The following SH3GL2 variants were observed in gnomAD, a reference collection of about 807,000 sequenced individuals.
SH3GL2 encodes the protein endophilin-A1.
SH3GL2 carries 24 observed loss-of-function variants against 46.0 expected under a neutral mutation model. That is an observed-to-expected ratio of 0.52 (90% CI 0.38 to 0.73). The LOEUF (loss-of-function observed/expected upper bound fraction) is 0.73. Ranked by LOEUF, SH3GL2 falls within the 30% of genes least tolerant of loss-of-function variation. The probability of loss-of-function intolerance (pLI) is 0.00; values close to 1 mark genes in which losing one functional copy is unlikely to be tolerated. For synonymous variants in SH3GL2, 196 were observed against 147.1 expected (o/e 1.33, Z -2.40); for missense variants, 413 against 424.2 (o/e 0.97, Z 0.23).
At chr9:17,738,682 A>C (rs1223746235) in intron 1 of SH3GL2, among the ~76,000 whole-genome samples, 7 of 147,576 alleles carry the variant, frequency 4.7e-5, no homozygotes, top group Non-Finnish European at 1.0e-4. Flanking sequence ...AGATAATTTT[A>C]TTTCAAGGAA....
intron 1 of SH3GL2, among the ~76,000 whole-genome samples, chr9:17,663,017 T>C (rs1352757394): frequency 1.3e-5 from 2 of 152,208 alleles, no homozygotes; most frequent in African/African-American, 2.4e-5. Flanking sequence ...AAGTCCTTTT[T>C]AAATAAACCT....
chr9:17,660,314 C>G (rs931310460), intron 1 of SH3GL2, among the ~76,000 whole-genome samples: 1 of 152,156 alleles, frequency 6.6e-6, no homozygotes, highest in South Asian at 2.1e-4. Flanking sequence ...CTGCCTGACT[C>G]CTCAAGCTGT....
intron 1 of SH3GL2, among the ~76,000 whole-genome samples, chr9:17,670,474 AG>A (rs1323058253): frequency 1.3e-5 from 2 of 152,306 alleles, no homozygotes; most frequent in East Asian, 3.9e-4. Flanking sequence ...GGGGCTTTTC[AG>A]CATGTTTTAA....
At chr9:17,638,416 C>T (rs1037532070) in intron 1 of SH3GL2, among the ~76,000 whole-genome samples, 1 of 152,120 alleles carries the variant, frequency 6.6e-6, no homozygotes, top group African/African-American at 2.4e-5. Flanking sequence ...CTACCTGTAT[C>T]TTACTTACAG....
intron 1 of SH3GL2, among the ~76,000 whole-genome samples, chr9:17,595,217 A>T (rs946669069): frequency 2.0e-5 from 3 of 152,196 alleles, no homozygotes; most frequent in Non-Finnish European, 4.4e-5. Context: ...CATGAGTCCT[A>T]TTGTCACCTT....
At chr9:17,694,970 C>T (rs1821167883) in intron 1 of SH3GL2, among the ~76,000 whole-genome samples, 1 of 151,890 alleles carries the variant, frequency 6.6e-6, no homozygotes, top group Non-Finnish European at 1.5e-5. Context: ...TTGAAGAAAT[C>T]TAGTGAAAAT....
chr9:17,767,273 T>G (rs7027918), intron 3 of SH3GL2, among the ~76,000 whole-genome samples: 12,782 of 152,276 alleles, frequency 0.084, 1,313 homozygotes, highest in African/African-American at 0.24. Flanking sequence ...TTTAGAATTT[T>G]TTAATAATTT....
chr9:17,741,784 CA>C (rs1368187648), intron 1 of SH3GL2, among the ~76,000 whole-genome samples: 7 of 152,124 alleles, frequency 4.6e-5, no homozygotes, highest in Admixed American at 1.3e-4. Flanking sequence ...TTCATATGAG[CA>C]AATATGCTTA....
intron 1 of SH3GL2, among the ~76,000 whole-genome samples, chr9:17,610,753 A>G (rs944575854): frequency 1.3e-5 from 2 of 152,062 alleles, no homozygotes; most frequent in East Asian, 1.9e-4. Context: ...AAAAGCGAAT[A>G]TCTTCTCCTA....
intron 3 of SH3GL2, among the ~76,000 whole-genome samples, chr9:17,779,833 C>T (rs1471868007): frequency 6.6e-6 from 1 of 152,162 alleles, no homozygotes; most frequent in Non-Finnish European, 1.5e-5. Context: ...TATACAACCA[C>T]ATGGATATTG....
chr9:17,618,681 C>T (rs937859155), intron 1 of SH3GL2, among the ~76,000 whole-genome samples: 2 of 152,112 alleles, frequency 1.3e-5, no homozygotes, highest in African/African-American at 4.8e-5. Flanking sequence ...CTGTATCACT[C>T]TTCTAAAGTT....
intron 1 of SH3GL2, among the ~76,000 whole-genome samples, chr9:17,684,725 A>T (rs578043910): frequency 6.6e-6 from 1 of 152,250 alleles, no homozygotes; most frequent in South Asian, 2.1e-4. Flanking sequence ...AAGACACATT[A>T]TATACAGAAG....
At chr9:17,601,566 C>T (rs1255458587) in intron 1 of SH3GL2, among the ~76,000 whole-genome samples, 3 of 151,994 alleles carry the variant, frequency 2.0e-5, no homozygotes, top group Non-Finnish European at 4.4e-5. Context: ...TCTTTTTAGT[C>T]ATAAAAATCA....
chr9:17,682,292 A>C (rs116316126), intron 1 of SH3GL2, among the ~76,000 whole-genome samples: 2,237 of 152,258 alleles, frequency 0.015, 56 homozygotes, highest in African/African-American at 0.051. Flanking sequence ...TTCAATAGCA[A>C]AGTCATGGAA....
intron 1 of SH3GL2, among the ~76,000 whole-genome samples, chr9:17,738,626 T>TTTTTTATATA (rs58272546): frequency 4.0e-5 from 3 of 74,814 alleles, no homozygotes; most frequent in Admixed American, 3.2e-4. Context: ...TCATGTGATT[T>TTTTTTATATA]TATATATATA....
At chr9:17,708,842 A>G (rs1821543491) in intron 1 of SH3GL2, among the ~76,000 whole-genome samples, 4 of 151,996 alleles carry the variant, frequency 2.6e-5, no homozygotes, top group Admixed American at 2.6e-4. Flanking sequence ...AGTGCATTTG[A>G]GACTCTTTGT....
chr9:17,731,449 GAGAC>G (rs775028752), intron 1 of SH3GL2, among the ~76,000 whole-genome samples: 9 of 151,268 alleles, frequency 5.9e-5, no homozygotes, highest in East Asian at 2.0e-4. Context: ...GAGAGAGAGA[GAGAC>G]AGACAGAGAG....
intron 1 of SH3GL2, among the ~76,000 whole-genome samples, chr9:17,629,611 A>G (rs1167735007): frequency 6.6e-6 from 1 of 152,206 alleles, no homozygotes; most frequent in Admixed American, 6.5e-5. Context: ...GGGGAAAATG[A>G]GATTTAAAGA....
chr9:17,701,150 C>A (rs1001690452), intron 1 of SH3GL2, among the ~76,000 whole-genome samples: 1 of 152,144 alleles, frequency 6.6e-6, no homozygotes, highest in African/African-American at 2.4e-5. Context: ...GCAGAGAATC[C>A]TCCCTCTGGT....
Sources: allele counts gnomAD v4.1 joint callset (sites outside exome capture counted in the v4.1 genomes callset), GRCh38; gene constraint gnomAD v4.1.1; transcripts MANE v1.5; gene names NCBI Gene and HGNC (gene_info 2026-07-23, HGNC 2026-07-21).